The following ATG2A variants were observed in gnomAD, a reference collection of about 807,000 sequenced individuals.
ATG2A encodes autophagy related 2A, also known as autophagy-related protein 2 homolog A.
Under a neutral mutation model 214.2 loss-of-function variants are expected in ATG2A, and 103 were observed. That is an observed-to-expected ratio of 0.48 (90% confidence interval 0.41 to 0.57). The LOEUF (loss-of-function observed/expected upper bound fraction) is 0.57, where lower values mean the gene tolerates loss of function less well. Among genes scored for constraint, ATG2A ranks in the 20% least tolerant of loss-of-function variants. The pLI, the probability that ATG2A is intolerant of heterozygous loss-of-function variation, is 0.00. For synonymous variants in ATG2A, 1,160 were observed against 1,142.1 expected (o/e 1.02, Z -0.32); for missense variants, 2,312 against 2,613.2 (o/e 0.88, Z 2.51).
Position 64,902,584 on chromosome 11 carries a change from C to T in ATG2A, c.3709G>A (p.Val1237Ile), listed in dbSNP as rs145632022. The change falls in exon 27 of 41, where the codon GTA becomes ATA. Residue 1237 changes from valine to isoleucine, a missense_variant. Physicochemically the swap from Val to Ile is conservative, Grantham distance 29 (BLOSUM62 3). Coordinates refer to ENST00000377264, the MANE Select transcript of ATG2A (RefSeq NM_015104.3). ...CALLVNLLQY[V>I]MSTGDLHPPP... is the part of the protein sequence containing the mutation. ...GGGTGCAGATCGCCTGTGCTCATTA[C>T]GTACTGGAGCAGGTTGACCAGCAGG... 55 of 1,606,082 alleles carry T rather than the reference C, an allele frequency of 3.4e-5. No individual in the cohort carries two copies. In the African/African-American group the frequency reaches 5.1e-4, roughly 15 times the overall value.
chr11:64,903,210 G>A lies in ATG2A; in HGVS notation c.3612+78C>T, dbSNP rs755218341. ...TGTGTCCGGAGCCCAGGCACGTGAG[G>A]GAGCAGCAGCCCCTGAAGACTCCCT... is the stretch of plus-strand genomic sequence containing the variant. On this transcript the variant is annotated intron_variant, in intron 26 of 40. Coordinates refer to ENST00000377264, the MANE Select transcript of ATG2A (RefSeq NM_015104.3). This position sits in a 1 kb window ranked among gnomAD's most constrained non-coding sequence, Gnocchi z 4.2. 2.9e-6 allele frequency: 4 copies of A among 1,384,746 alleles called. No homozygotes were observed. The highest frequency in any genetic ancestry group is 1.2e-5 in the South Asian group (1 of 84,994). The allele number at this position is 1,384,746 out of a possible 1,614,324, so 85.8% of individuals were successfully genotyped here. A position where few individuals can be genotyped will look rare whatever the true frequency, so the allele number is the denominator to read the frequency against.
chr11:64,915,500 GC>G (rs1270149502), intron 1 of ATG2A, among the ~76,000 whole-genome samples: 19 of 152,104 alleles, frequency 1.2e-4, no homozygotes, highest in Non-Finnish European at 4.4e-5. Context: ...CACTTCAGAG[GC>G]CCCAGATACT....
At chr11:64,899,782 CA>C (rs1944285805) in intron 31 of ATG2A, among the ~76,000 whole-genome samples, 1 of 151,968 alleles carries the variant, frequency 6.6e-6, no homozygotes, top group Non-Finnish European at 1.5e-5. Context: ...TTGTAAGACT[CA>C]AAAGAAACAT....
In ATG2A at chr11:64,903,719, G is replaced by GCCCACGCTGCAGGGGGC; in HGVS notation, c.3465-60_3465-59insGCCCCCTGCAGCGTGGG. On this transcript the variant is annotated intron_variant, in intron 24 of 40. Transcript: ENST00000377264. This position sits in a 1 kb window ranked among gnomAD's most constrained non-coding sequence, Gnocchi z 4.2. ...ACCGCTGCAGGGGGCAGCTCCACGG[G>GCCCACGCTGCAGGGGGC]AGCCGAGCAGAGGGGTCCCAAGCCC... 6 of 1,493,400 alleles carry GCCCACGCTGCAGGGGGC rather than the reference G, an allele frequency of 4.0e-6. No individual in the cohort carries two copies. The highest frequency in any genetic ancestry group is 5.4e-6 in the Non-Finnish European group (6 of 1,104,210). 92.5% of individuals were successfully genotyped at this position (1,493,400 alleles called of 1,614,324 possible).
chr11:64,917,049 G>A lies in ATG2A; in HGVS notation c.87C>T (p.Phe29=). The stretch of plus-strand genomic sequence containing the variant: ...GCTGGTCCAGGCTGAGGTGCTCTTG[G>A]AAGAAGTGACCTAAGTAGTGGTGCA... The part of the protein sequence containing the change: ...YLLHHYLGHF[F]QEHLSLDQLS... Residue 29 remains phenylalanine, a synonymous_variant, in exon 1 of 41, where the codon TTC becomes TTT. Transcript: ENST00000377264. 6.2e-7 allele frequency: 1 copy of A among 1,613,816 alleles called. No individual in the cohort carries two copies. Among genetic ancestry groups the A allele is most frequent in the Non-Finnish European group, 8.5e-7 (1 of 1,180,012 alleles).
Position 64,913,739 on chromosome 11 carries a change from A to T in ATG2A, c.590+82T>A, listed in dbSNP as rs1944869473. The T allele has an allele frequency of 7.2e-7, 1 of 1,395,086 alleles. No individual in the cohort carries two copies. Among genetic ancestry groups the T allele is most frequent in the Non-Finnish European group, 1.0e-6 (1 of 998,368 alleles). 86.4% of individuals were successfully genotyped at this position (1,395,086 alleles called of 1,614,324 possible). On this transcript the variant is annotated intron_variant, in intron 4 of 40. Transcript: ENST00000377264. The surrounding 1 kb of genome is among the most constrained non-coding windows in gnomAD (Gnocchi z 4.3). ...AGATCCACCCTGCCTCTTCCCAGGAACCTAGGCTGCGGGTGGGGACCATCC... is the reference window on the plus strand; with the variant it reads ...AGATCCACCCTGCCTCTTCCCAGGATCCTAGGCTGCGGGTGGGGACCATCC...
Position 64,906,404 on chromosome 11 carries a change from C to G in ATG2A, c.3113G>C (p.Gly1038Ala), listed in dbSNP as rs369499174. 6.2e-7 allele frequency: 1 copy of G among 1,613,256 alleles called. No individual in the cohort carries two copies. The highest frequency in any genetic ancestry group is 1.1e-5 in the South Asian group (1 of 91,080). Residue 1038 changes from glycine (G) to alanine (A), a missense_variant, in exon 21 of 41, where the codon GGC becomes GCC. By Grantham distance (60) the Gly-to-Ala change is moderately conservative (BLOSUM62 0). Transcript: ENST00000377264. Reference protein sequence around the residue: ...VTERGASGRKGQGRGPHMLST... With the variant: ...VTERGASGRKAQGRGPHMLST... Reference sequence around the variant, plus strand: ...CAACATGTGGGGTCCCCGGCCCTGGCCCTTGCGGCCCGAGGCTCCCCGCTC... The same window carrying G: ...CAACATGTGGGGTCCCCGGCCCTGGGCCTTGCGGCCCGAGGCTCCCCGCTC...
rs758190411 is a variant in ATG2A, at chr11:64,906,668, G to A, written c.2980C>T (p.Arg994Ter). ...LEAEKATLYHRAAVDDYPLPS... is the reference protein window; with the variant it reads ...LEAEKATLYH ...GACCTGCCCCCAGGCCTCACACCTC[G>A]GTGGTAGAGTGTTGCCTTTTCAGCT... The change falls in exon 20 of 41, where the codon CGA becomes TGA. Residue 994 changes from arginine to a stop codon, truncating the protein, a stop_gained. Transcript: ENST00000377264. LOFTEE classifies it high-confidence loss of function. 4 of 1,613,520 alleles carry A rather than the reference G, an allele frequency of 2.5e-6. No homozygotes were observed. The highest frequency in any genetic ancestry group is 3.4e-6 in the Non-Finnish European group (4 of 1,179,988).
Position 64,895,450 on chromosome 11 carries a change from A to G in ATG2A, c.5428-8T>C, listed in dbSNP as rs367632501. 1,071 of 1,555,318 alleles carry G rather than the reference A, an allele frequency of 6.9e-4. 1 individual carries two copies. Among genetic ancestry groups the G allele is most frequent in the Non-Finnish European group, 8.4e-4 (966 of 1,148,514 alleles). On this transcript the variant is annotated splice_polypyrimidine_tract_variant and splice_region_variant and intron_variant, in intron 39 of 40. Coordinates refer to ENST00000377264, the MANE Select transcript of ATG2A (RefSeq NM_015104.3). This position sits in a 1 kb window ranked among gnomAD's most constrained non-coding sequence, Gnocchi z 5.0. ...CACGGTCTCAGCTGTGGCCTGGGGG[A>G]CATGGGAGCACTGGATGAGGACAGC... is the stretch of plus-strand genomic sequence containing the variant.
chr11:64,910,595 G>A (rs1944731072), intron 12 of ATG2A, 21 bp downstream of exon 12: 1 of 1,580,192 alleles, frequency 6.3e-7, no homozygotes, highest in African/African-American at 1.4e-5. Flanking sequence ...ACAGCCTGGT[G>A]GCCTGGAGCG....
In ATG2A at chr11:64,897,972, G is replaced by A. The variant is rs61740228; in HGVS notation, c.4861C>T (p.Arg1621Cys). 9.8e-3 allele frequency: 15,206 copies of A among 1,555,802 alleles called. 1,149 individuals are homozygous for A. The African/African-American group carries it at 0.18, about 18-fold the overall frequency. The stretch of plus-strand genomic sequence containing the variant: ...CTGGGCTGGGCTCGAGTCTCGGGGC[G>A]AGCTAGGGGAGGGGAGGTCACAGAC... ...VVPGETSAEARPETRAQPSSP... is the reference protein window; with the variant it reads ...VVPGETSAEACPETRAQPSSP... Residue 1621 changes from arginine to cysteine, a missense_variant and splice_region_variant, in exon 35 of 41, where the codon CGC becomes TGC. Coordinates refer to ENST00000377264, the MANE Select transcript of ATG2A (RefSeq NM_015104.3).
Position 64,911,906 on chromosome 11 carries a change from G to C in ATG2A, c.1164C>G (p.Asp388Glu). 1 of 1,613,692 alleles carries C rather than the reference G, an allele frequency of 6.2e-7. No individual in the cohort carries two copies. Among genetic ancestry groups the C allele is most frequent in the South Asian group, 1.1e-5 (1 of 90,974 alleles). The change falls in exon 9 of 41, where the codon GAC becomes GAG. Residue 388 changes from aspartate to glutamate, a missense_variant. Transcript: ENST00000377264. ...ALSELSLSDVDLASSVRSDMA... is the reference protein window; with the variant it reads ...ALSELSLSDVELASSVRSDMA... ...TGTCGCTGCGCACAGAGGAGGCCAGGTCTACATCGGAGAGGGAGAGCTCAG... is the reference window on the plus strand; with the variant it reads ...TGTCGCTGCGCACAGAGGAGGCCAGCTCTACATCGGAGAGGGAGAGCTCAG...
rs748512903 is a variant in ATG2A at position 64,894,838 on chromosome 11, C to T, written c.*135G>A. 3.4e-5 allele frequency: 37 copies of T among 1,079,858 alleles called. No homozygotes were observed. Among genetic ancestry groups the T allele is most frequent in the African/African-American group, 1.7e-4 (11 of 64,884 alleles). The allele number at this position is 1,079,858 out of a possible 1,614,324, so 66.9% of individuals were successfully genotyped here. Reference sequence around the variant, plus strand: ...CCCCCCTCTCACAGCAGATTGGCAACGGGCAGGCTGGGAAGGCGTCCTTCA... The same window carrying T: ...CCCCCCTCTCACAGCAGATTGGCAATGGGCAGGCTGGGAAGGCGTCCTTCA... On this transcript the variant is annotated 3_prime_UTR_variant, in exon 41 of 41. Transcript: ENST00000377264.
At chr11:64,911,010 T>A (rs1388542544) in intron 10 of ATG2A, 28 bp downstream of exon 10, 1 of 1,613,686 alleles carries the variant, frequency 6.2e-7, no homozygotes, top group Non-Finnish European at 8.5e-7. Flanking sequence ...TGATGGTCTC[T>A]CCTCAGGCCC....
Position 64,916,968 on chromosome 11 carries a change from G to A in ATG2A, c.168C>T (p.Ile56=). The A allele has an allele frequency of 1.2e-6, 2 of 1,613,264 alleles. No homozygotes were observed. The highest frequency in any genetic ancestry group is 1.7e-5 in the Admixed American group (1 of 60,016). Residue 56 remains isoleucine (I), a synonymous_variant, in exon 1 of 41, where the codon ATC becomes ATT. Coordinates refer to ENST00000377264, the MANE Select transcript of ATG2A (RefSeq NM_015104.3). Reference sequence around the variant, plus strand: ...GGACTCGGGCCTGGCTCCTCACCCAGATTTCCAGGTGGATGTCTCGCAGGG... The same window carrying A: ...GGACTCGGGCCTGGCTCCTCACCCAAATTTCCAGGTGGATGTCTCGCAGGG... ...SVALRDIHLE[I]WSVNEVLESM... is the part of the protein sequence containing the mutation.
chr11:64,905,343 C>A (rs975310303), intron 24 of ATG2A, among the ~76,000 whole-genome samples: 1 of 152,196 alleles, frequency 6.6e-6, no homozygotes, highest in Non-Finnish European at 1.5e-5. Flanking sequence ...CTAGGACAAC[C>A]CTCAGACATG....
chr11:64,904,945 T>C (rs905231823), intron 24 of ATG2A, among the ~76,000 whole-genome samples: 1 of 152,208 alleles, frequency 6.6e-6, no homozygotes, highest in African/African-American at 2.4e-5. Context: ...AACCTCCGCC[T>C]CCCAGATTCA....
At position 64,897,679 on chromosome 11, in the gene ATG2A, C is replaced by T. The variant is rs1159299991; in HGVS notation, c.5059G>A (p.Asp1687Asn). The T allele has an allele frequency of 5.0e-6, 8 of 1,614,236 alleles. No individual in the cohort carries two copies. Among genetic ancestry groups the T allele is most frequent in the Non-Finnish European group, 6.8e-6 (8 of 1,180,032 alleles). ...CCGACCGCCCCACTTACCACCTGGTCCATCGTGACGTGCTTGCCATGGTAA... is the reference window on the plus strand; with the variant it reads ...CCGACCGCCCCACTTACCACCTGGTTCATCGTGACGTGCTTGCCATGGTAA... ...LDYHGKHVTM[D>N]QVGTFAGLLI... The change falls in exon 36 of 41, where the codon GAC becomes AAC. Residue 1687 changes from aspartate to asparagine, a missense_variant. Physicochemically the swap from Asp to Asn is conservative, Grantham distance 23. Transcript: ENST00000377264.
In ATG2A at chr11:64,898,934, G is replaced by A. The variant is rs1030862717; in HGVS notation, c.4465-92C>T. On this transcript the variant is annotated intron_variant, in intron 31 of 40. Coordinates refer to ENST00000377264, the MANE Select transcript of ATG2A (RefSeq NM_015104.3). The surrounding 1 kb of genome is among the most constrained non-coding windows in gnomAD (Gnocchi z 4.5). Reference sequence around the variant, plus strand: ...GACCCCTTCTCTATTCTTTTTTTGAGACAGAGTCTCACTCTGTCGCCCAGG... The same window carrying A: ...GACCCCTTCTCTATTCTTTTTTTGAAACAGAGTCTCACTCTGTCGCCCAGG... 16 of 1,261,302 alleles carry A rather than the reference G, an allele frequency of 1.3e-5. No homozygotes were observed. Among genetic ancestry groups the A allele is most frequent in the Non-Finnish European group, 1.8e-5 (16 of 908,652 alleles). The allele number at this position is 1,261,302 out of a possible 1,614,324, so 78.1% of individuals were successfully genotyped here.
Sources: gnomAD v4.1 joint callset for allele counts (sites outside exome capture counted in the v4.1 genomes callset) on GRCh38, gnomAD v4.1.1 for gene constraint, Gnocchi (gnomAD v3.1) non-coding constraint, MANE v1.5 for transcripts, NCBI Gene and HGNC (gene_info 2026-07-23, HGNC 2026-07-21) for gene names.